Variants in PID1 observed in about 807,000 individuals in gnomAD.
PID1 encodes PTB-containing, cubilin and LRP1-interacting protein.
Under a neutral mutation model 19.1 loss-of-function variants are expected in PID1, and 10 were observed. That is an observed-to-expected ratio of 0.52 (90% CI 0.32 to 0.89). The LOEUF is 0.89. Ranked by LOEUF, PID1 falls within the 40% of genes least tolerant of loss-of-function variation. PID1 has a pLI of 0.03. For synonymous variants in PID1, 130 were observed against 116.0 expected (o/e 1.12, Z -0.78); for missense variants, 248 against 285.3 (o/e 0.87, Z 0.94).
intron 1 of PID1, among the ~76,000 whole-genome samples, chr2:229,191,252 G>A (rs1446821673): frequency 2.6e-5 from 4 of 152,046 alleles, no homozygotes; most frequent in African/African-American, 7.2e-5. Flanking sequence ...AGGGCAAATC[G>A]CCACCGATGG....
At chr2:229,145,817 TA>T in intron 2 of PID1, among the ~76,000 whole-genome samples, 1 of 152,250 alleles carries the variant, frequency 6.6e-6, no homozygotes, top group South Asian at 2.1e-4. Flanking sequence ...TAGAACAGGT[TA>T]AAAAAACCAC....
intron 1 of PID1, among the ~76,000 whole-genome samples, chr2:229,266,059 G>C (rs548999736): frequency 1.3e-5 from 2 of 152,276 alleles, no homozygotes. Context: ...TTATTCCTGA[G>C]GGAGACTAAG....
intron 1 of PID1, among the ~76,000 whole-genome samples, chr2:229,211,822 T>C (rs986803253): frequency 2.0e-5 from 3 of 152,240 alleles, no homozygotes; most frequent in Non-Finnish European, 4.4e-5. Flanking sequence ...CTTCCAACAG[T>C]AGCCTGCAGT....
chr2:229,262,863 T>C, intron 1 of PID1: 1 of 1,542,118 alleles, frequency 6.5e-7, no homozygotes, highest in Non-Finnish European at 8.8e-7. Flanking sequence ...AATGGCCTTC[T>C]CTGTGCCGCT....
chr2:229,264,585 C>T (rs1386627199), intron 1 of PID1, among the ~76,000 whole-genome samples: 3 of 152,188 alleles, frequency 2.0e-5, no homozygotes, highest in Non-Finnish European at 4.4e-5. Context: ...CTGTGCGTCG[C>T]ACTTTCCTAT....
chr2:229,087,147 A>C (rs992779796), intron 2 of PID1, among the ~76,000 whole-genome samples: 22 of 152,182 alleles, frequency 1.4e-4, no homozygotes, highest in Non-Finnish European at 3.1e-4. Context: ...AAATTACATT[A>C]ATTTTTTTTT....
chr2:229,089,595 T>C (rs1157299963), intron 2 of PID1, among the ~76,000 whole-genome samples: 1 of 152,188 alleles, frequency 6.6e-6, no homozygotes. Flanking sequence ...TTTCATTTTA[T>C]GAAATCTGTA....
At chr2:229,034,042 A>G (rs1374206238) in intron 2 of PID1, among the ~76,000 whole-genome samples, 1 of 152,196 alleles carries the variant, frequency 6.6e-6, no homozygotes, top group Non-Finnish European at 1.5e-5. Context: ...CTGCATGCCA[A>G]TTTCCCAACA....
At chr2:229,069,141 T>TGTGTGTGTG (rs1553559147) in intron 2 of PID1, among the ~76,000 whole-genome samples, 1 of 128,714 alleles carries the variant, frequency 7.8e-6, no homozygotes, top group South Asian at 2.5e-4. Flanking sequence ...CGAGAAGGGT[T>TGTGTGTGTG]TTTGTGTGTG....
intron 2 of PID1, among the ~76,000 whole-genome samples, chr2:229,115,978 T>C (rs1695401968): frequency 6.6e-6 from 1 of 152,076 alleles, no homozygotes. Context: ...CCCAGCACTT[T>C]GGGAGGCCGA....
At chr2:229,135,107 G>A (rs1689833152) in intron 2 of PID1, among the ~76,000 whole-genome samples, 1 of 152,114 alleles carries the variant, frequency 6.6e-6, no homozygotes, top group Admixed American at 6.6e-5. Context: ...AGGAAGGAGG[G>A]AATGATGGAG....
chr2:229,147,276 T>G (rs1690154641), intron 2 of PID1, among the ~76,000 whole-genome samples: 1 of 152,312 alleles, frequency 6.6e-6, no homozygotes, highest in East Asian at 1.9e-4. Context: ...GAATGGAGTT[T>G]CCTATAAATT....
intron 1 of PID1, among the ~76,000 whole-genome samples, chr2:229,181,384 A>G (rs1453568984): frequency 7.2e-6 from 1 of 139,116 alleles, no homozygotes; most frequent in Non-Finnish European, 1.5e-5. Context: ...TTGATGCTGG[A>G]AAAAAAAAAA....
chr2:229,150,213 G>A (rs1215884952), intron 2 of PID1, among the ~76,000 whole-genome samples: 2 of 133,826 alleles, frequency 1.5e-5, no homozygotes, highest in African/African-American at 5.7e-5. Flanking sequence ...TCCAGCCTGG[G>A]AAACAGAGTG....
intron 2 of PID1, among the ~76,000 whole-genome samples, chr2:229,141,572 T>C (rs541169064): frequency 6.6e-6 from 1 of 152,138 alleles, no homozygotes; most frequent in Admixed American, 6.6e-5. Context: ...GGTGGAAACA[T>C]GAGAATTCTA....
chr2:229,084,128 T>G (rs909793117), intron 2 of PID1, among the ~76,000 whole-genome samples: 1 of 152,200 alleles, frequency 6.6e-6, no homozygotes, highest in African/African-American at 2.4e-5. Context: ...TTACTGTGGT[T>G]GCTTCAAGCA....
Position 229,118,503 on chromosome 2 carries a change from C to T in PID1, c.177+37315G>A, listed in dbSNP as rs193231498. On this transcript the variant is annotated intron_variant, in intron 2 of 2. Coordinates refer to ENST00000392055, the MANE Select transcript of PID1 (RefSeq NM_001100818.2). Reference sequence around the variant, plus strand: ...AGACTACACGTGAGTCATTTAATAGCGCTACATCCTAATCTTTCTTCTATG... The same window carrying T: ...AGACTACACGTGAGTCATTTAATAGTGCTACATCCTAATCTTTCTTCTATG... Among the ~76,000 whole-genome samples, 679 of 152,234 alleles carry T rather than the reference C, an allele frequency of 4.5e-3. 4 individuals carry two copies. Among genetic ancestry groups the T allele is most frequent in the African/African-American group, 0.015 (631 of 41,532 alleles).
intron 2 of PID1, among the ~76,000 whole-genome samples, chr2:229,039,783 C>T (rs1693731108): frequency 6.6e-6 from 1 of 152,124 alleles, no homozygotes; most frequent in Non-Finnish European, 1.5e-5. Context: ...GAAACAGACA[C>T]TCATATATTG....
intron 2 of PID1, among the ~76,000 whole-genome samples, chr2:229,122,289 G>A (rs1390516543): frequency 1.3e-5 from 2 of 152,288 alleles, no homozygotes; most frequent in East Asian, 3.9e-4. Flanking sequence ...TGCCTAAAAT[G>A]TTTAACTAAA....
Sources: gnomAD v4.1 joint callset for allele counts (sites outside exome capture counted in the v4.1 genomes callset) on GRCh38, gnomAD v4.1.1 for gene constraint, MANE v1.5 for transcripts, NCBI Gene and HGNC (gene_info 2026-07-23, HGNC 2026-07-21) for gene names.